The following DSCAML1 variants were observed in gnomAD, a reference collection of about 807,000 sequenced individuals.
DSCAML1 encodes the protein DS cell adhesion molecule like 1.
Under a neutral mutation model 200.5 loss-of-function variants are expected in DSCAML1, and 38 were observed. The observed-to-expected ratio is 0.19, with a 90% CI of 0.15 to 0.25. The LOEUF (loss-of-function observed/expected upper bound fraction) is 0.25, where lower values mean the gene tolerates loss of function less well. Ranked by LOEUF, DSCAML1 falls within the 10% of genes least tolerant of loss-of-function variation. DSCAML1 has a pLI of 1.00. For missense variants in DSCAML1, 2,223 were observed against 2,858.8 expected, an observed-to-expected ratio of 0.78 and a Z score of 5.07; for synonymous variants, 1,215 against 1,165.0, an observed-to-expected ratio of 1.04 and a Z score of -0.87.
intron 1 of DSCAML1, among the ~76,000 whole-genome samples, chr11:117,789,398 A>C (rs1321579410): frequency 1.3e-5 from 2 of 152,084 alleles, no homozygotes; most frequent in African/African-American, 4.8e-5. Context: ...AGAATCCTAG[A>C]TTTAGATTGT....
chr11:117,497,491 CTGTT>C (rs2049313348), intron 11 of DSCAML1, among the ~76,000 whole-genome samples: 1 of 152,242 alleles, frequency 6.6e-6, no homozygotes, highest in African/African-American at 2.4e-5. Context: ...CTCCTCACCT[CTGTT>C]TGATGAAGCA....
chr11:117,446,827 A>G (rs2048187811), intron 20 of DSCAML1, among the ~76,000 whole-genome samples: 1 of 152,248 alleles, frequency 6.6e-6, no homozygotes, highest in Non-Finnish European at 1.5e-5. Flanking sequence ...TGACCCAGGA[A>G]TTCCTATAGA....
At chr11:117,816,985 C>T (rs1298148755) in intron 1 of DSCAML1, among the ~76,000 whole-genome samples, 2 of 152,228 alleles carry the variant, frequency 1.3e-5, no homozygotes, top group African/African-American at 2.4e-5. Flanking sequence ...CTGCCAGAAC[C>T]CAGCAGAAGC....
intron 16 of DSCAML1, among the ~76,000 whole-genome samples, chr11:117,467,561 C>T (rs2048608935): frequency 6.6e-6 from 1 of 152,098 alleles, no homozygotes; most frequent in South Asian, 2.1e-4. Flanking sequence ...TTTAAGCTCA[C>T]TGTTAATAAA....
intron 3 of DSCAML1, among the ~76,000 whole-genome samples, chr11:117,708,948 C>A (rs2137763801): frequency 6.6e-6 from 1 of 152,318 alleles, no homozygotes; most frequent in Non-Finnish European, 1.5e-5. Context: ...CCTGTCAGAG[C>A]TGAGAACGTG....
chr11:117,753,579 G>GC (rs1283876875), intron 3 of DSCAML1, among the ~76,000 whole-genome samples: 1 of 152,186 alleles, frequency 6.6e-6, no homozygotes, highest in Non-Finnish European at 1.5e-5. Context: ...TACCTCTGTG[G>GC]CCTTCAAACA....
intron 6 of DSCAML1, among the ~76,000 whole-genome samples, chr11:117,520,653 C>T (rs2049867255): frequency 6.6e-6 from 1 of 151,812 alleles, no homozygotes; most frequent in Non-Finnish European, 1.5e-5. Context: ...AGGCCTCAGC[C>T]CAGGCGGGAG....
At chr11:117,692,474 TACTCGATA>T (rs1001580698) in intron 3 of DSCAML1, among the ~76,000 whole-genome samples, 2 of 152,066 alleles carry the variant, frequency 1.3e-5, no homozygotes, top group African/African-American at 4.8e-5. Context: ...CCATTGTAGG[TACTCGATA>T]ACTAGATGTT....
At chr11:117,495,404 G>A (rs941472429) in intron 11 of DSCAML1, among the ~76,000 whole-genome samples, 1 of 152,178 alleles carries the variant, frequency 6.6e-6, no homozygotes, top group Non-Finnish European at 1.5e-5. Flanking sequence ...ATCCTGCCAC[G>A]TCTAGAGTCT....
intron 11 of DSCAML1, 122 bp from the exon 12 acceptor site, chr11:117,482,284 G>A (rs2048944185): frequency 8.5e-7 from 1 of 1,174,090 alleles, no homozygotes; most frequent in Admixed American, 2.1e-5. Flanking sequence ...TCCAATAAAG[G>A]AGTACAGGGA....
At chr11:117,701,722 C>T (rs1273453081) in intron 3 of DSCAML1, among the ~76,000 whole-genome samples, 1 of 152,202 alleles carries the variant, frequency 6.6e-6, no homozygotes, top group Non-Finnish European at 1.5e-5. Context: ...GCATAGGCTT[C>T]CTAGCCCACT....
chr11:117,661,837 G>T (rs1252250215), intron 3 of DSCAML1, among the ~76,000 whole-genome samples: 1 of 152,194 alleles, frequency 6.6e-6, no homozygotes, highest in Admixed American at 6.5e-5. Flanking sequence ...CATAGGGACT[G>T]GGCCTATGAA....
chr11:117,626,211 CCTT>C lies in DSCAML1; in HGVS notation c.512-93692_512-93690del, dbSNP rs1413961565. On this transcript the variant is annotated intron_variant, in intron 3 of 32. Coordinates refer to ENST00000651296, the MANE Select transcript of DSCAML1 (RefSeq NM_020693.4). ...CACTCTTGCTGAGACCCCCCCCCCT[CCTT>C]CTTCTGGCATGAGACCTGGTCAAAG... Among the ~76,000 whole-genome samples, 242 of 29,016 alleles carry C rather than the reference CCTT, an allele frequency of 8.3e-3. 5 individuals carry two copies. In the East Asian group the frequency reaches 0.15, roughly 18 times the overall value. The allele number at this position is 29,016 out of a possible 152,430, so 19.0% of individuals were successfully genotyped here.
At chr11:117,639,401 T>A (rs1286825176) in intron 3 of DSCAML1, among the ~76,000 whole-genome samples, 1 of 124,482 alleles carries the variant, frequency 8.0e-6, no homozygotes, top group Non-Finnish European at 1.7e-5. Flanking sequence ...GATGGGAGGC[T>A]GGATGGGTAG....
At chr11:117,659,832 C>T (rs577130985) in intron 3 of DSCAML1, among the ~76,000 whole-genome samples, 2 of 152,264 alleles carry the variant, frequency 1.3e-5, no homozygotes, top group Admixed American at 6.5e-5. Flanking sequence ...GATTCTCCCA[C>T]CTCAGCCTCC....
chr11:117,485,645 C>A (rs1166432109), intron 11 of DSCAML1, among the ~76,000 whole-genome samples: 4 of 152,254 alleles, frequency 2.6e-5, no homozygotes, highest in Non-Finnish European at 5.9e-5. Flanking sequence ...GGATTCTAGT[C>A]CTATCCCCAA....
chr11:117,546,946 TA>T (rs1338439522), intron 3 of DSCAML1, among the ~76,000 whole-genome samples: 1 of 152,166 alleles, frequency 6.6e-6, no homozygotes, highest in Non-Finnish European at 1.5e-5. Context: ...AGCCCCATTG[TA>T]ATAGCATTTC....
At chr11:117,810,517 T>G (rs1479618770) in intron 1 of DSCAML1, among the ~76,000 whole-genome samples, 1 of 151,982 alleles carries the variant, frequency 6.6e-6, no homozygotes, top group Non-Finnish European at 1.5e-5. Flanking sequence ...TCTCCGTATC[T>G]CTACTCTTTT....
At position 117,431,550 on chromosome 11, in the gene DSCAML1, G is replaced by A. The variant is rs7106898; in HGVS notation, c.5358C>T (p.Ser1786=). The change falls in exon 31 of 33, where the codon AGC becomes AGT. Residue 1786 remains serine, a synonymous_variant. Transcript: ENST00000651296. ...TVTESDSYSA[S]LSQDTDKGRN... ...TAGGCACACCTGTGTCCTGGGACAG[G>A]CTGGCACTGTAGCTGTCACTCTCAG... The A allele has an allele frequency of 1.1e-3, 1,813 of 1,592,186 alleles. 13 individuals are homozygous for A. In the African/African-American group the frequency reaches 0.022, roughly 19 times the overall value.
Sources: allele counts gnomAD v4.1 joint callset (sites outside exome capture counted in the v4.1 genomes callset), GRCh38; gene constraint gnomAD v4.1.1; transcripts MANE v1.5; gene names NCBI Gene and HGNC (gene_info 2026-07-23, HGNC 2026-07-21).